SGCZ: variants seen among roughly 807,000 people sequenced by gnomAD.
SGCZ encodes zeta-sarcoglycan.
Under a neutral mutation model 41.3 loss-of-function variants are expected in SGCZ, and 40 were observed. The observed-to-expected ratio is 0.97, with a 90% confidence interval of 0.75 to 1.26. The LOEUF is 1.26. Among genes scored for constraint, SGCZ ranks in the 50% most tolerant of loss-of-function variants. The pLI, the probability that SGCZ is intolerant of heterozygous loss-of-function variation, is 0.00. For missense variants in SGCZ, 552 were observed against 369.8 expected (o/e 1.49, Z -4.04); for synonymous variants, 206 against 137.5 (o/e 1.50, Z -3.49).
At chr8:14,841,615 G>A (rs1022241237) in intron 1 of SGCZ, among the ~76,000 whole-genome samples, 1 of 152,056 alleles carries the variant, frequency 6.6e-6, no homozygotes, top group Non-Finnish European at 1.5e-5. Flanking sequence ...TTAAACTAAG[G>A]AATACTTGGA....
At chr8:15,042,781 G>A (rs1350584338) in intron 1 of SGCZ, among the ~76,000 whole-genome samples, 3 of 152,126 alleles carry the variant, frequency 2.0e-5, no homozygotes, top group Non-Finnish European at 4.4e-5. Context: ...TAGTATTACA[G>A]CACTTCCTCT....
At chr8:14,308,803 G>T (rs1420337718) in intron 3 of SGCZ, among the ~76,000 whole-genome samples, 1 of 152,052 alleles carries the variant, frequency 6.6e-6, no homozygotes, top group Non-Finnish European at 1.5e-5. Flanking sequence ...CAGAAACAGT[G>T]ATGGTCTAAT....
intron 2 of SGCZ, among the ~76,000 whole-genome samples, chr8:14,368,871 T>C (rs1803811522): frequency 1.3e-5 from 2 of 151,692 alleles, no homozygotes; most frequent in South Asian, 4.1e-4. Flanking sequence ...AGAGGGGAAA[T>C]CAAACACCAT....
At chr8:14,926,143 A>T (rs1312486693) in intron 1 of SGCZ, among the ~76,000 whole-genome samples, 1 of 152,222 alleles carries the variant, frequency 6.6e-6, no homozygotes, top group Admixed American at 6.5e-5. Context: ...GATTTCAGTA[A>T]AAATATTTCA....
intron 1 of SGCZ, among the ~76,000 whole-genome samples, chr8:14,938,642 T>G (rs1218818362): frequency 6.6e-6 from 1 of 152,074 alleles, no homozygotes; most frequent in East Asian, 1.9e-4. Flanking sequence ...AAGTTAAAAG[T>G]TCTATGTCCA....
chr8:14,821,172 G>C (rs1802068542), intron 1 of SGCZ, among the ~76,000 whole-genome samples: 1 of 151,924 alleles, frequency 6.6e-6, no homozygotes, highest in Non-Finnish European at 1.5e-5. Context: ...GCTGATAAGA[G>C]ACTATTATGA....
At chr8:15,102,399 G>A (rs1244567961) in intron 1 of SGCZ, among the ~76,000 whole-genome samples, 1 of 152,084 alleles carries the variant, frequency 6.6e-6, no homozygotes, top group African/African-American at 2.4e-5. Context: ...GAAAATATGA[G>A]TTTTTAGGGC....
intron 2 of SGCZ, among the ~76,000 whole-genome samples, chr8:14,467,350 G>A (rs567917002): frequency 6.6e-6 from 1 of 152,030 alleles, no homozygotes; most frequent in African/African-American, 2.4e-5. Context: ...CAACAATGGG[G>A]GCAAGTGCAA....
chr8:15,004,522 A>G (rs1175131712), intron 1 of SGCZ, among the ~76,000 whole-genome samples: 2 of 152,192 alleles, frequency 1.3e-5, no homozygotes, highest in Admixed American at 1.3e-4. Context: ...AAAATCTGAC[A>G]TCATAAAAAC....
At chr8:14,466,368 G>T (rs1801050121) in intron 2 of SGCZ, among the ~76,000 whole-genome samples, 1 of 151,954 alleles carries the variant, frequency 6.6e-6, no homozygotes, top group African/African-American at 2.4e-5. Flanking sequence ...TGCATGTGAA[G>T]AGTCACTTGT....
At chr8:14,115,486 A>G (rs73520383) in intron 5 of SGCZ, among the ~76,000 whole-genome samples, 27,323 of 151,920 alleles carry the variant, frequency 0.18, 3,324 homozygotes, top group East Asian at 0.65. Flanking sequence ...GAGAAGATTA[A>G]GATTCCTAGG....
intron 1 of SGCZ, among the ~76,000 whole-genome samples, chr8:14,759,466 C>T (rs1244319633): frequency 6.6e-6 from 1 of 152,108 alleles, no homozygotes; most frequent in East Asian, 1.9e-4. Flanking sequence ...TATTTTTGTA[C>T]ACTTTTGGAA....
At chr8:14,641,098 C>G (rs1664865786) in intron 1 of SGCZ, among the ~76,000 whole-genome samples, 1 of 151,486 alleles carries the variant, frequency 6.6e-6, no homozygotes, top group African/African-American at 2.4e-5. Context: ...ACTAACACTT[C>G]CAAAAAGATT....
Position 14,656,551 on chromosome 8 carries a change from C to CT in SGCZ, c.40-101626dup, listed in dbSNP as rs1281785661. On this transcript the variant is annotated intron_variant, in intron 1 of 7. Coordinates refer to ENST00000382080, the MANE Select transcript of SGCZ (RefSeq NM_139167.4). ...CTTTCTTTTTTCTTTCTTTCCCTTT[C>CT]TTTTTCTTTCTTTTCCTTCCCTGCT... Among the ~76,000 whole-genome samples, 88 of 133,374 alleles carry CT rather than the reference C, an allele frequency of 6.6e-4. 1 individual carries two copies. The highest frequency in any genetic ancestry group is 1.2e-3 in the Non-Finnish European group (71 of 59,196). 87.5% of individuals were successfully genotyped at this position (133,374 alleles called of 152,430 possible).
chr8:14,326,260 G>A (rs1020663116), intron 2 of SGCZ, among the ~76,000 whole-genome samples: 4 of 151,962 alleles, frequency 2.6e-5, no homozygotes, highest in Non-Finnish European at 5.9e-5. Flanking sequence ...TCTTTTATGT[G>A]TTCAGGGATG....
rs190649502 is a variant in SGCZ at position 14,846,485 on chromosome 8, G to C, written c.40-291559C>G. Among the ~76,000 whole-genome samples, 661 of 151,866 alleles carry C rather than the reference G, an allele frequency of 4.4e-3. 5 individuals carry two copies. Among genetic ancestry groups the C allele is most frequent in the South Asian group, 0.018 (85 of 4,800 alleles). On this transcript the variant is annotated intron_variant, in intron 1 of 7. Transcript: ENST00000382080. ...AATAAATCATTAATATTAGAAATGA[G>C]AAAAGTCACATCACTATAGACTCCA...
intron 2 of SGCZ, among the ~76,000 whole-genome samples, chr8:14,391,994 C>T (rs1386811015): frequency 6.6e-6 from 1 of 152,034 alleles, no homozygotes; most frequent in Non-Finnish European, 1.5e-5. Context: ...CCAACAAGCC[C>T]CATCTCCAGC....
At chr8:15,111,286 G>C (rs1034231926) in intron 1 of SGCZ, among the ~76,000 whole-genome samples, 1 of 152,072 alleles carries the variant, frequency 6.6e-6, no homozygotes, top group African/African-American at 2.4e-5. Flanking sequence ...GGTAACAAAG[G>C]ATCAGAGGCA....
intron 1 of SGCZ, among the ~76,000 whole-genome samples, chr8:15,048,618 A>G (rs1804400867): frequency 6.6e-6 from 1 of 152,146 alleles, no homozygotes; most frequent in East Asian, 1.9e-4. Flanking sequence ...ATTATTATGC[A>G]TCAATTTTAA....
Sources: gnomAD v4.1 joint callset for allele counts (sites outside exome capture counted in the v4.1 genomes callset) on GRCh38, gnomAD v4.1.1 for gene constraint, MANE v1.5 for transcripts, NCBI Gene and HGNC (gene_info 2026-07-23, HGNC 2026-07-21) for gene names.